The following LRFN2 variants were observed in gnomAD, a reference collection of about 807,000 sequenced individuals.
LRFN2 encodes leucine rich repeat and fibronectin type III domain containing 2.
A neutral mutation model predicts 37.3 loss-of-function variants in LRFN2; 18 were observed. That is an observed-to-expected ratio of 0.48 (90% CI 0.33 to 0.72). The LOEUF is 0.72. Ranked by LOEUF, LRFN2 falls within the 30% of genes least tolerant of loss-of-function variation. The pLI is 0.02. For synonymous variants in LRFN2, 556 were observed against 466.6 expected (o/e 1.19, Z -2.47); for missense variants, 1,006 against 1,060.7 (o/e 0.95, Z 0.72).
chr6:40,477,209 G>A (rs1764728848), intron 1 of LRFN2, among the ~76,000 whole-genome samples: 2 of 152,214 alleles, frequency 1.3e-5, no homozygotes, highest in Non-Finnish European at 2.9e-5. Flanking sequence ...GATGATCAGA[G>A]GGGTGGAAGT....
At chr6:40,451,962 C>G (rs1166099370) in intron 1 of LRFN2, among the ~76,000 whole-genome samples, 1 of 152,176 alleles carries the variant, frequency 6.6e-6, no homozygotes, top group Non-Finnish European at 1.5e-5. Context: ...TAGGAATCAT[C>G]ATCACTCCTT....
intron 2 of LRFN2, among the ~76,000 whole-genome samples, chr6:40,407,636 C>T (rs1389361652): frequency 6.6e-6 from 1 of 152,194 alleles, no homozygotes; most frequent in Non-Finnish European, 1.5e-5. Context: ...CAGAAGGTGT[C>T]AGATCAATTA....
chr6:40,500,655 G>T (rs889286726), intron 1 of LRFN2, among the ~76,000 whole-genome samples: 2 of 152,202 alleles, frequency 1.3e-5, no homozygotes, highest in Non-Finnish European at 2.9e-5. Flanking sequence ...CAACCATCAG[G>T]CATTGGGTGA....
chr6:40,409,501 T>A (rs1051514987), intron 2 of LRFN2, among the ~76,000 whole-genome samples: 1 of 152,196 alleles, frequency 6.6e-6, no homozygotes. Context: ...GAAGCCATGA[T>A]GATGTTTGCA....
chr6:40,573,303 G>A (rs137901557), intron 1 of LRFN2, among the ~76,000 whole-genome samples: 13 of 152,368 alleles, frequency 8.5e-5, no homozygotes, highest in African/African-American at 3.1e-4. Flanking sequence ...TAGGAGGCAA[G>A]CTGCAGCAGA....
At chr6:40,441,011 T>C (rs1386825780) in intron 1 of LRFN2, among the ~76,000 whole-genome samples, 1 of 152,210 alleles carries the variant, frequency 6.6e-6, no homozygotes, top group Non-Finnish European at 1.5e-5. Context: ...ACTGGGCCGC[T>C]GTAGAAACGT....
chr6:40,410,805 G>C (rs1762950452), intron 2 of LRFN2, among the ~76,000 whole-genome samples: 2 of 152,220 alleles, frequency 1.3e-5, no homozygotes, highest in South Asian at 4.1e-4. Flanking sequence ...CAGATGGGCA[G>C]AGGAGCCTTC....
intron 2 of LRFN2, among the ~76,000 whole-genome samples, chr6:40,425,391 G>A (rs1221145479): frequency 6.6e-6 from 1 of 152,196 alleles, no homozygotes; most frequent in African/African-American, 2.4e-5. Flanking sequence ...GGTGACAGAT[G>A]TTCTTGACAA....
chr6:40,538,815 C>T (rs1309904443), intron 1 of LRFN2, among the ~76,000 whole-genome samples: 1 of 152,228 alleles, frequency 6.6e-6, no homozygotes, highest in African/African-American at 2.4e-5. Flanking sequence ...GGCAGTGAGT[C>T]CTGCGAGCAC....
intron 2 of LRFN2, among the ~76,000 whole-genome samples, chr6:40,403,394 ACT>A (rs1762780376): frequency 6.6e-6 from 1 of 152,090 alleles, no homozygotes; most frequent in Non-Finnish European, 1.5e-5. Flanking sequence ...GGATCAGAAG[ACT>A]GATCTTCCAG....
intron 1 of LRFN2, among the ~76,000 whole-genome samples, chr6:40,441,304 G>A (rs1475258543): frequency 6.6e-6 from 1 of 152,198 alleles, no homozygotes; most frequent in Non-Finnish European, 1.5e-5. Flanking sequence ...TGAACGCGGA[G>A]GCTAGAATGT....
At chr6:40,493,553 T>C (rs1312653055) in intron 1 of LRFN2, among the ~76,000 whole-genome samples, 1 of 152,148 alleles carries the variant, frequency 6.6e-6, no homozygotes, top group Non-Finnish European at 1.5e-5. Flanking sequence ...GCACCCACAC[T>C]ACAATGGATG....
At chr6:40,581,382 G>C (rs1383377724) in intron 1 of LRFN2, among the ~76,000 whole-genome samples, 1 of 152,134 alleles carries the variant, frequency 6.6e-6, no homozygotes, top group South Asian at 2.1e-4. Flanking sequence ...CAGAGGGGAC[G>C]GCCAAAGTCA....
chr6:40,553,002 A>T (rs1414521241), intron 1 of LRFN2, among the ~76,000 whole-genome samples: 1 of 152,198 alleles, frequency 6.6e-6, no homozygotes, highest in Non-Finnish European at 1.5e-5. Context: ...CACTTTCTGA[A>T]ATTTGCACTA....
intron 1 of LRFN2, among the ~76,000 whole-genome samples, chr6:40,566,448 C>G: frequency 6.6e-6 from 1 of 152,082 alleles, no homozygotes; most frequent in Non-Finnish European, 1.5e-5. Context: ...TGTTTATTGC[C>G]GCGCTATTCA....
chr6:40,546,278 C>T (rs1465287269), intron 1 of LRFN2, among the ~76,000 whole-genome samples: 2 of 152,146 alleles, frequency 1.3e-5, no homozygotes, highest in African/African-American at 4.8e-5. Flanking sequence ...TCTGATGTGC[C>T]CACTTGGTCT....
chr6:40,521,507 G>C lies in LRFN2; in HGVS notation c.-19+65434C>G, dbSNP rs1476834095. Among the ~76,000 whole-genome samples, 5 of 152,352 alleles carry C rather than the reference G, an allele frequency of 3.3e-5. No individual in the cohort carries two copies. In the East Asian group the frequency reaches 9.6e-4, roughly 29 times the overall value. ...TTTGCCAGAGAATCACTAATTACAG[G>C]CAAGGCACATTTCTGTATGTTGGTG... is the stretch of plus-strand genomic sequence containing the variant. On this transcript the variant is annotated intron_variant, in intron 1 of 2. Transcript: ENST00000338305.
At chr6:40,450,688 T>G (rs1389040933) in intron 1 of LRFN2, among the ~76,000 whole-genome samples, 1 of 152,206 alleles carries the variant, frequency 6.6e-6, no homozygotes, top group Non-Finnish European at 1.5e-5. Context: ...TGACAGAACA[T>G]TTACTGAGAA....
chr6:40,491,481 T>G (rs1765096067), intron 1 of LRFN2, among the ~76,000 whole-genome samples: 1 of 152,036 alleles, frequency 6.6e-6, no homozygotes, highest in African/African-American at 2.4e-5. Flanking sequence ...TGTGGGTAGG[T>G]AGGCAGCTTA....
Sources: allele counts gnomAD v4.1 joint callset (sites outside exome capture counted in the v4.1 genomes callset), GRCh38; gene constraint gnomAD v4.1.1; transcripts MANE v1.5; gene names NCBI Gene and HGNC (gene_info 2026-07-23, HGNC 2026-07-21).